Variants in NBEA observed in about 807,000 individuals in gnomAD.
NBEA encodes neurobeachin.
NBEA carries 44 observed loss-of-function variants against 343.4 expected under a neutral mutation model. The ratio of observed to expected loss-of-function variants is 0.13; its 90% CI spans 0.10 to 0.16. The LOEUF (loss-of-function observed/expected upper bound fraction) is 0.16. Among genes scored for constraint, NBEA ranks in the 10% least tolerant of loss-of-function variants. The probability of loss-of-function intolerance (pLI) is 1.00; values close to 1 mark genes in which losing one functional copy is unlikely to be tolerated. For missense variants in NBEA, 2,555 were observed against 3,631.3 expected (o/e 0.70, Z 7.62); for synonymous variants, 1,175 against 1,238.7 (o/e 0.95, Z 1.08).
chr13:34,997,758 G>T (rs921211636), intron 1 of NBEA, among the ~76,000 whole-genome samples: 2 of 152,120 alleles, frequency 1.3e-5, no homozygotes, highest in African/African-American at 4.8e-5. Flanking sequence ...TGCATTCATT[G>T]TTGTAATTTC....
intron 44 of NBEA, among the ~76,000 whole-genome samples, chr13:35,556,866 A>T (rs914695335): frequency 6.6e-6 from 1 of 152,230 alleles, no homozygotes; most frequent in African/African-American, 2.4e-5. Context: ...TTATGTGTTC[A>T]TGCAGTATAT....
chr13:35,053,334 G>T (rs974310434), intron 6 of NBEA, among the ~76,000 whole-genome samples: 3 of 152,018 alleles, frequency 2.0e-5, no homozygotes, highest in Admixed American at 6.6e-5. Context: ...TCAAGCATCT[G>T]TGCTGTATTG....
At position 35,287,709 on chromosome 13, in the gene NBEA, A is replaced by G. The variant is rs115267329; in HGVS notation, c.5777-2680A>G. Among the ~76,000 whole-genome samples, 227 of 152,120 alleles carry G rather than the reference A, an allele frequency of 1.5e-3. 1 individual carries two copies. The highest frequency in any genetic ancestry group is 5.3e-3 in the African/African-American group (222 of 41,526). ...ACCATTACAACCCTTCTCATAATCA[A>G]ATATTGCCATCTTATTAATGCCAAA... is the stretch of plus-strand genomic sequence containing the variant. On this transcript the variant is annotated intron_variant, in intron 34 of 58. Coordinates refer to ENST00000379939, the MANE Select transcript of NBEA (RefSeq NM_001385012.1).
At chr13:35,351,426 CA>C (rs895303811) in intron 37 of NBEA, among the ~76,000 whole-genome samples, 4 of 151,484 alleles carry the variant, frequency 2.6e-5, no homozygotes, top group Admixed American at 1.3e-4. Context: ...ATTTTTAATA[CA>C]AAAAATGATC....
At chr13:35,141,578 C>A (rs1440550632) in intron 17 of NBEA, among the ~76,000 whole-genome samples, 2 of 152,098 alleles carry the variant, frequency 1.3e-5, no homozygotes, top group Admixed American at 6.5e-5. Context: ...ATCTTGAATT[C>A]TAAGGAAGTG....
intron 1 of NBEA, among the ~76,000 whole-genome samples, chr13:34,963,289 T>A (rs534346959): frequency 6.6e-6 from 1 of 152,016 alleles, no homozygotes; most frequent in Non-Finnish European, 1.5e-5. Context: ...TTTCCCTTTG[T>A]CTTCATATGT....
intron 30 of NBEA, among the ~76,000 whole-genome samples, chr13:35,184,555 C>T (rs1211450218): frequency 6.6e-6 from 1 of 151,754 alleles, no homozygotes; most frequent in South Asian, 2.1e-4. Flanking sequence ...AATTATTAAA[C>T]ATGCAAAGAA....
At chr13:35,607,961 T>A (rs537280436) in intron 48 of NBEA, among the ~76,000 whole-genome samples, 28 of 152,308 alleles carry the variant, frequency 1.8e-4, no homozygotes, top group African/African-American at 6.0e-4. Flanking sequence ...ATTCTAGACA[T>A]TTCATGTAAA....
At chr13:35,521,628 T>G (rs1345107792) in intron 41 of NBEA, among the ~76,000 whole-genome samples, 1 of 152,184 alleles carries the variant, frequency 6.6e-6, no homozygotes, top group Non-Finnish European at 1.5e-5. Context: ...ATCTCCCCGC[T>G]AGAAACCCAA....
rs563738827 is a variant in NBEA, at chr13:35,617,313, A to G, written c.7449+10735A>G. 6.3e-4 allele frequency among the ~76,000 whole-genome samples: 96 copies of G among 152,328 alleles called. 1 individual carries two copies. The highest frequency in any genetic ancestry group is 3.4e-3 in the Middle Eastern group (1 of 294). On this transcript the variant is annotated intron_variant, in intron 48 of 58. Transcript: ENST00000379939. ...CGAAAGGCTTTATACAAAATTCTGC[A>G]TATTCAGGATAATTAAACTGCCCCA...
chr13:35,182,153 T>C lies in NBEA; in HGVS notation c.4663-207T>C, dbSNP rs574602184. On this transcript the variant is annotated intron_variant, in intron 28 of 58. Transcript: ENST00000379939. The stretch of plus-strand genomic sequence containing the variant: ...ATATTCTAGTTTTTGGAAATTACAT[T>C]CCAACCTGTAGATGATATATTTTAG... 2.6e-5 allele frequency among the ~76,000 whole-genome samples: 4 copies of C among 151,444 alleles called. No homozygotes were observed. The East Asian group carries it at 7.7e-4, about 29-fold the overall frequency.
chr13:35,292,150 G>T (rs1555357444), intron 35 of NBEA, among the ~76,000 whole-genome samples: 1 of 151,758 alleles, frequency 6.6e-6, no homozygotes, highest in Non-Finnish European at 1.5e-5. Context: ...ATTCAGGGGG[G>T]ATAAGTTTAC....
At chr13:35,143,633 C>G (rs1028790065) in intron 18 of NBEA, among the ~76,000 whole-genome samples, 1 of 152,060 alleles carries the variant, frequency 6.6e-6, no homozygotes, top group Non-Finnish European at 1.5e-5. Flanking sequence ...AACAGAATAT[C>G]TCATCATTGT....
chr13:35,452,374 AT>A, intron 40 of NBEA, 139 bp downstream of exon 40: 1 of 657,042 alleles, frequency 1.5e-6, no homozygotes. Context: ...ACTCTACTTT[AT>A]CTCATTTCTA....
In NBEA at chr13:35,059,572, A is replaced by G. The variant is rs1162207641; in HGVS notation, c.1239+709A>G. 2.6e-5 allele frequency among the ~76,000 whole-genome samples: 4 copies of G among 151,832 alleles called. No homozygotes were observed. The East Asian group carries it at 7.7e-4, about 29-fold the overall frequency. ...GAAAGAGAATTACACATTATAGTCA[A>G]AGTGTTTATAATTCTGAAGGAGTAC... On this transcript the variant is annotated intron_variant, in intron 8 of 58. Transcript: ENST00000379939.
rs545192111 is a variant in NBEA at position 35,322,924 on chromosome 13, A to T, written c.5903+13332A>T. On this transcript the variant is annotated intron_variant, in intron 36 of 58. Coordinates refer to ENST00000379939, the MANE Select transcript of NBEA (RefSeq NM_001385012.1). ...GAGTGCAGTGGCATGATCTCGGCTC[A>T]CTGCAACCTCCATTTCCAAGGCTCA... Among the ~76,000 whole-genome samples, 6 of 152,216 alleles carry T rather than the reference A, an allele frequency of 3.9e-5. No homozygotes were observed. In the East Asian group the frequency reaches 7.7e-4, roughly 20 times the overall value.
chr13:35,341,981 G>A (rs1257341704), intron 36 of NBEA, among the ~76,000 whole-genome samples: 1 of 152,042 alleles, frequency 6.6e-6, no homozygotes, highest in Admixed American at 6.6e-5. Context: ...ATCAACTGGT[G>A]AGTTGGTAAA....
chr13:35,129,340 A>G (rs1483055358), intron 17 of NBEA, among the ~76,000 whole-genome samples: 1 of 152,206 alleles, frequency 6.6e-6, no homozygotes, highest in African/African-American at 2.4e-5. Context: ...AGGTGTGCAC[A>G]CAAAAGTAAG....
At chr13:34,976,021 T>A (rs1362175058) in intron 1 of NBEA, among the ~76,000 whole-genome samples, 1 of 152,206 alleles carries the variant, frequency 6.6e-6, no homozygotes, top group Admixed American at 6.5e-5. Flanking sequence ...TCGAGATTCC[T>A]TAGAGAACTT....
Sources: gnomAD v4.1 joint callset for allele counts (sites outside exome capture counted in the v4.1 genomes callset) on GRCh38, gnomAD v4.1.1 for gene constraint, MANE v1.5 for transcripts, NCBI Gene and HGNC (gene_info 2026-07-23, HGNC 2026-07-21) for gene names.